The following ZRANB1 variants were observed in gnomAD, a reference collection of about 807,000 sequenced individuals.
ZRANB1 encodes the protein zinc finger RANBP2-type containing 1.
A neutral mutation model predicts 80.5 loss-of-function variants in ZRANB1; 16 were observed. The ratio of observed to expected loss-of-function variants is 0.20; its 90% CI spans 0.13 to 0.30. The LOEUF is 0.30. ZRANB1 is among the 10% of genes least tolerant of loss of function. The probability of loss-of-function intolerance (pLI) is 1.00; values close to 1 mark genes in which losing one functional copy is unlikely to be tolerated. For missense variants in ZRANB1, 576 were observed against 862.6 expected (o/e 0.67, Z 4.16); for synonymous variants, 291 against 293.1 (o/e 0.99, Z 0.07).
At chr10:124,932,226 T>G in the ZRANB1 span, among the ~76,000 whole-genome samples, 1 of 152,102 alleles carries the variant, frequency 6.6e-6, no homozygotes, top group Non-Finnish European at 1.5e-5. Flanking sequence ...GACATCTTGG[T>G]TCTTTCCAAC....
the ZRANB1 span, among the ~76,000 whole-genome samples, chr10:124,917,942 A>C: frequency 2.0e-5 from 3 of 152,152 alleles, no homozygotes; most frequent in Admixed American, 6.5e-5. Context: ...CATTAAGCGC[A>C]AGGGACAGGC....
the ZRANB1 span, among the ~76,000 whole-genome samples, chr10:124,932,558 T>C: frequency 3.3e-5 from 5 of 152,020 alleles, no homozygotes; most frequent in Non-Finnish European, 7.4e-5. Flanking sequence ...CCCAGAGTGC[T>C]GGGATTACAG....
At position 124,985,015 on chromosome 10, in the gene ZRANB1, G is replaced by T; in HGVS notation, c.*23G>T. ...TGAAAAAAAAAATCAAACAGCAGAA[G>T]ACCAAGGCATCAGATCTGTAATGAC... is the stretch of plus-strand genomic sequence containing the variant. On this transcript the variant is annotated 3_prime_UTR_variant, in exon 9 of 9. Coordinates refer to ENST00000359653, the MANE Select transcript of ZRANB1 (RefSeq NM_017580.3). 6.4e-7 allele frequency: 1 copy of T among 1,560,246 alleles called. No homozygotes were observed. The highest frequency in any genetic ancestry group is 8.8e-7 in the Non-Finnish European group (1 of 1,142,470).
chr10:124,938,129 A>G (rs1222537478), upstream of ZRANB1, among the ~76,000 whole-genome samples: 1 of 152,242 alleles, frequency 6.6e-6, no homozygotes, highest in Non-Finnish European at 1.5e-5. Flanking sequence ...TTCAAGGTAG[A>G]GTATTAACTT....
chr10:124,939,204 T>C (rs899398643), upstream of ZRANB1, among the ~76,000 whole-genome samples: 1 of 151,716 alleles, frequency 6.6e-6, no homozygotes, highest in African/African-American at 2.4e-5. Flanking sequence ...TTTTTTTTTT[T>C]TTTCCTTTTT....
chr10:124,969,688 A>G (rs1951805429), intron 2 of ZRANB1, among the ~76,000 whole-genome samples: 1 of 152,250 alleles, frequency 6.6e-6, no homozygotes. Flanking sequence ...ACTAAACTAA[A>G]TTTGTGATAT....
rs756252647 is a variant in ZRANB1, at chr10:124,942,737, A to T, written c.244A>T (p.Met82Leu). 2 of 1,614,124 alleles carry T rather than the reference A, an allele frequency of 1.2e-6. No homozygotes were observed. Among genetic ancestry groups the T allele is most frequent in the Non-Finnish European group, 1.7e-6 (2 of 1,180,056 alleles). The change falls in exon 1 of 9, where the codon ATG (methionine) becomes TTG (leucine). Residue 82 changes from methionine (M) to leucine (L), a missense_variant. Transcript: ENST00000359653. ...ACCAAGGGTGAAATCTTCGTATAGC[A>T]TGGAAAATGCAAATAAGTGGTCATG... ...ARPRVKSSYS[M>L]ENANKWSCHM...
intron 5 of ZRANB1, among the ~76,000 whole-genome samples, chr10:124,980,933 CTT>C (rs1018345366): frequency 2.0e-5 from 3 of 152,138 alleles, no homozygotes; most frequent in Admixed American, 1.3e-4. Context: ...TATGCTGAAA[CTT>C]TTTAACAACA....
At position 124,942,577 on chromosome 10, in the gene ZRANB1, T is replaced by C; in HGVS notation, c.84T>C (p.Arg28=). The C allele has an allele frequency of 6.2e-7, 1 of 1,614,214 alleles. No individual in the cohort carries two copies. The highest frequency in any genetic ancestry group is 8.5e-7 in the Non-Finnish European group (1 of 1,180,034). The part of the protein sequence containing the change: ...WPSAIKCTMC[R]AQRPSGTIIT... ...CTGCAATCAAGTGTACTATGTGTCG[T>C]GCCCAAAGACCTAGTGGAACAATTA... Residue 28 remains arginine (R), a synonymous_variant, in exon 1 of 9, where the codon CGT becomes CGC. Coordinates refer to ENST00000359653, the MANE Select transcript of ZRANB1 (RefSeq NM_017580.3).
chr10:124,960,779 C>T (rs532146123), intron 1 of ZRANB1, among the ~76,000 whole-genome samples: 83 of 152,226 alleles, frequency 5.5e-4, no homozygotes, highest in Non-Finnish European at 6.5e-4. Context: ...GTGGGCTAGA[C>T]TATTCAGTTT....
At chr10:124,940,292 A>G (rs1432311340), upstream of ZRANB1, among the ~76,000 whole-genome samples, 2 of 152,242 alleles carry the variant, frequency 1.3e-5, no homozygotes, top group African/African-American at 4.8e-5. Context: ...TAAAATAGAG[A>G]ATTGATAAAA....
intron 1 of ZRANB1, among the ~76,000 whole-genome samples, chr10:124,949,086 A>G (rs1161537617): frequency 6.6e-6 from 1 of 152,202 alleles, no homozygotes; most frequent in African/African-American, 2.4e-5. Context: ...GCTTCAGTTT[A>G]TCACCAGGCA....
Position 124,942,710 on chromosome 10 carries a change from A to G in ZRANB1, c.217A>G (p.Arg73Gly), listed in dbSNP as rs140727590. Residue 73 changes from arginine to glycine, a missense_variant, in exon 1 of 9, where the codon AGA becomes GGA. By Grantham distance (125) the Arg-to-Gly change is moderately radical. Coordinates refer to ENST00000359653, the MANE Select transcript of ZRANB1 (RefSeq NM_017580.3). ...SPLICPDSSA[R>G]PRVKSSYSME... Reference sequence around the variant, plus strand: ...TTTGATATGTCCAGACTCTAGTGCAAGACCAAGGGTGAAATCTTCGTATAG... The same window carrying G: ...TTTGATATGTCCAGACTCTAGTGCAGGACCAAGGGTGAAATCTTCGTATAG... 1 of 1,614,248 alleles carries G rather than the reference A, an allele frequency of 6.2e-7. No individual in the cohort carries two copies. Among genetic ancestry groups the G allele is most frequent in the Non-Finnish European group, 8.5e-7 (1 of 1,180,038 alleles).
the ZRANB1 span, among the ~76,000 whole-genome samples, chr10:124,921,496 G>A: frequency 6.6e-6 from 1 of 152,132 alleles, no homozygotes; most frequent in African/African-American, 2.4e-5. Flanking sequence ...TGTTTCTCTT[G>A]TATTGGATGA....
At position 124,966,792 on chromosome 10, in the gene ZRANB1, C is replaced by T. The variant is rs761373921; in HGVS notation, c.1002+11C>T. The T allele has an allele frequency of 6.2e-6, 10 of 1,600,852 alleles. No individual in the cohort carries two copies. The African/African-American group carries it at 9.4e-5, about 15-fold the overall frequency. On this transcript the variant is annotated intron_variant, in intron 2 of 8. Transcript: ENST00000359653. ...ATATTGCTTACAGAGGTAAGTTTGG[C>T]GTTTTGGTTAAATGTTCTTTTATAT...
chr10:124,983,381 G>A lies in ZRANB1; in HGVS notation c.1678+77G>A. 2.5e-6 allele frequency: 4 copies of A among 1,595,356 alleles called. No individual in the cohort carries two copies. In the East Asian group the frequency reaches 9.0e-5, roughly 36 times the overall value. On this transcript the variant is annotated intron_variant, in intron 7 of 8. Transcript: ENST00000359653. This position sits in a 1 kb window ranked among gnomAD's most constrained non-coding sequence, Gnocchi z 6.2. ...AGATGTCAGGAAGGAGCAGTGGACA[G>A]GGGAATGTGAACAAGGGCAGTGAGG... is the stretch of plus-strand genomic sequence containing the variant.
chr10:124,941,332 G>A (rs574074780), upstream of ZRANB1, among the ~76,000 whole-genome samples: 2 of 152,238 alleles, frequency 1.3e-5, no homozygotes, highest in East Asian at 3.9e-4. Context: ...TAAGTAGTGT[G>A]AATATCTTTT....
chr10:124,924,242 AT>A, the ZRANB1 span, among the ~76,000 whole-genome samples: 2 of 151,990 alleles, frequency 1.3e-5, no homozygotes, highest in Admixed American at 6.6e-5. Flanking sequence ...TAAATAAAAA[AT>A]ATTTGAATGC....
intron 1 of ZRANB1, among the ~76,000 whole-genome samples, chr10:124,955,437 A>G (rs1951681161): frequency 6.6e-6 from 1 of 152,094 alleles, no homozygotes. Context: ...AAATGTACAC[A>G]GACTTCTGTA....
Sources: allele counts gnomAD v4.1 joint callset (sites outside exome capture counted in the v4.1 genomes callset), GRCh38; gene constraint gnomAD v4.1.1; non-coding constraint Gnocchi (gnomAD v3.1); transcripts MANE v1.5; gene names NCBI Gene and HGNC (gene_info 2026-07-23, HGNC 2026-07-21).